RAPGEF5: variants seen among roughly 807,000 people sequenced by gnomAD.
RAPGEF5 encodes M-Ras-regulated GEF.
In RAPGEF5, 65 loss-of-function variants were observed where a neutral mutation model predicts 125.2. That is an observed-to-expected ratio of 0.52 (90% confidence interval 0.43 to 0.64). The LOEUF is 0.64. Among genes scored for constraint, RAPGEF5 ranks in the 30% least tolerant of loss-of-function variants. The pLI is 0.00. For synonymous variants in RAPGEF5, 391 were observed against 385.9 expected, an observed-to-expected ratio of 1.01 and a Z score of -0.16; for missense variants, 958 against 1,048.1, an observed-to-expected ratio of 0.91 and a Z score of 1.19.
chr7:22,277,549 G>T (rs544877674), intron 6 of RAPGEF5, among the ~76,000 whole-genome samples: 1 of 152,234 alleles, frequency 6.6e-6, no homozygotes, highest in Admixed American at 6.5e-5. Flanking sequence ...GTACCTGCTG[G>T]GCTGCACTCC....
chr7:22,267,575 T>C (rs1782313163), intron 6 of RAPGEF5, among the ~76,000 whole-genome samples: 1 of 152,190 alleles, frequency 6.6e-6, no homozygotes, highest in South Asian at 2.1e-4. Flanking sequence ...GAAATGGGAA[T>C]ATACTAGATG....
intron 3 of RAPGEF5, among the ~76,000 whole-genome samples, chr7:22,310,353 A>G (rs911414635): frequency 2.0e-5 from 3 of 152,216 alleles, no homozygotes; most frequent in Admixed American, 6.5e-5. Flanking sequence ...CAAAGGAACA[A>G]TATCTGCTTA....
At chr7:22,234,213 A>G (rs1786129817) in intron 7 of RAPGEF5, among the ~76,000 whole-genome samples, 1 of 152,190 alleles carries the variant, frequency 6.6e-6, no homozygotes, top group Non-Finnish European at 1.5e-5. Context: ...TTCATAGATT[A>G]ATGTCAAAAA....
rs1290732777 is a variant in RAPGEF5 at position 22,119,112 on chromosome 7, T to C, written c.*3294A>G. On this transcript the variant is annotated 3_prime_UTR_variant, in exon 26 of 26. Coordinates refer to ENST00000665637, the MANE Select transcript of RAPGEF5 (RefSeq NM_012294.5). This position sits in a 1 kb window ranked among gnomAD's most constrained non-coding sequence, Gnocchi z 4.1. The stretch of plus-strand genomic sequence containing the variant: ...TTCAGTTCCGGATCTGCGGTGTCTG[T>C]GCTGGCTAGAACAGACTCGCAGGGC... 1 of 152,202 alleles carries C rather than the reference T, an allele frequency of 6.6e-6. No individual in the cohort carries two copies. The allele number at this position is 152,202 out of a possible 1,614,324, so 9.4% of individuals were successfully genotyped here. A position where few individuals can be genotyped will look rare whatever the true frequency, so the allele number is the denominator to read the frequency against.
At chr7:22,177,848 T>A (rs1784555589) in intron 11 of RAPGEF5, among the ~76,000 whole-genome samples, 1 of 151,998 alleles carries the variant, frequency 6.6e-6, no homozygotes, top group South Asian at 2.1e-4. Flanking sequence ...AAATAACCCA[T>A]CCGGTTTAGG....
At chr7:22,322,960 G>A (rs986440567) in intron 1 of RAPGEF5, among the ~76,000 whole-genome samples, 28 of 152,152 alleles carry the variant, frequency 1.8e-4, no homozygotes, top group Non-Finnish European at 4.4e-5. Context: ...CTCAGACATC[G>A]CCTCCTGCAC....
intron 11 of RAPGEF5, among the ~76,000 whole-genome samples, chr7:22,175,162 C>A (rs940817261): frequency 9.9e-5 from 15 of 152,116 alleles, no homozygotes; most frequent in African/African-American, 3.1e-4. Context: ...TAATAACCAA[C>A]AAGAAAGAAA....
intron 20 of RAPGEF5, among the ~76,000 whole-genome samples, chr7:22,142,988 G>A (rs1783312564): frequency 6.6e-6 from 1 of 152,184 alleles, no homozygotes; most frequent in Non-Finnish European, 1.5e-5. Flanking sequence ...AGAGCATGGG[G>A]CCATATGGAG....
At chr7:22,221,886 G>A (rs1785799321) in intron 8 of RAPGEF5, among the ~76,000 whole-genome samples, 1 of 152,096 alleles carries the variant, frequency 6.6e-6, no homozygotes, top group African/African-American at 2.4e-5. Context: ...TCACTCAACA[G>A]AGTAAAGGAT....
At chr7:22,147,152 G>T in intron 18 of RAPGEF5, 133 bp from the exon 19 acceptor site, 1 of 1,205,748 alleles carries the variant, frequency 8.3e-7, no homozygotes. Flanking sequence ...ATTTTCCCTG[G>T]TCTGTTCACC....
At chr7:22,300,138 C>CTGAAGAAGA (rs1327848967) in intron 5 of RAPGEF5, among the ~76,000 whole-genome samples, 1 of 152,174 alleles carries the variant, frequency 6.6e-6, no homozygotes, top group Non-Finnish European at 1.5e-5. Context: ...CACCAAGTCC[C>CTGAAGAAGA]TGAGACTATT....
intron 6 of RAPGEF5, among the ~76,000 whole-genome samples, chr7:22,290,163 A>T (rs937600917): frequency 2.0e-5 from 3 of 152,258 alleles, no homozygotes; most frequent in African/African-American, 7.2e-5. Flanking sequence ...GACCTAGTGT[A>T]TAAAACTCTG....
chr7:22,275,920 G>T (rs761595547), intron 6 of RAPGEF5, among the ~76,000 whole-genome samples: 4 of 152,162 alleles, frequency 2.6e-5, no homozygotes, highest in African/African-American at 9.7e-5. Context: ...AGAAACTACA[G>T]ATGTTTACAA....
intron 6 of RAPGEF5, among the ~76,000 whole-genome samples, chr7:22,275,136 G>A (rs894359687): frequency 2.6e-5 from 4 of 152,096 alleles, no homozygotes; most frequent in African/African-American, 9.7e-5. Flanking sequence ...TTACCCTTCA[G>A]ATCCCAACTT....
chr7:22,201,110 T>C (rs953402729), intron 9 of RAPGEF5, among the ~76,000 whole-genome samples: 13 of 152,136 alleles, frequency 8.5e-5, no homozygotes, highest in African/African-American at 2.4e-4. Flanking sequence ...AGCCCTGGGC[T>C]GGAAGGGGTA....
At chr7:22,133,441 G>A (rs1441425655) in intron 23 of RAPGEF5, among the ~76,000 whole-genome samples, 2 of 152,158 alleles carry the variant, frequency 1.3e-5, no homozygotes, top group Non-Finnish European at 2.9e-5. Flanking sequence ...AGCAGTTTTG[G>A]GGTATGAGAA....
At chr7:22,258,395 C>CAAAT (rs2128139772) in intron 7 of RAPGEF5, among the ~76,000 whole-genome samples, 1 of 152,046 alleles carries the variant, frequency 6.6e-6, no homozygotes, top group East Asian at 1.9e-4. Flanking sequence ...CCGAGGCAGG[C>CAAAT]AAATCACCTG....
intron 1 of RAPGEF5, among the ~76,000 whole-genome samples, chr7:22,322,795 A>G (rs1008165461): frequency 6.6e-6 from 1 of 152,218 alleles, no homozygotes; most frequent in African/African-American, 2.4e-5. Flanking sequence ...ATACTGAATT[A>G]GAATCTCTAC....
chr7:22,164,458 A>G (rs1784100279), intron 12 of RAPGEF5, among the ~76,000 whole-genome samples: 1 of 152,220 alleles, frequency 6.6e-6, no homozygotes, highest in Admixed American at 6.5e-5. Context: ...TTAGGTCATC[A>G]TATGTAAATG....
Sources: allele counts gnomAD v4.1 joint callset (sites outside exome capture counted in the v4.1 genomes callset), GRCh38; gene constraint gnomAD v4.1.1; non-coding constraint Gnocchi (gnomAD v3.1); transcripts MANE v1.5; gene names NCBI Gene and HGNC (gene_info 2026-07-23, HGNC 2026-07-21).